LHFPL3: variants seen among roughly 807,000 people sequenced by gnomAD.
LHFPL3 encodes LHFPL tetraspan subfamily member 3, also known as LHFPL tetraspan subfamily member 3 protein.
In LHFPL3, 5 loss-of-function variants were observed where a neutral mutation model predicts 19.3. The ratio of observed to expected loss-of-function variants is 0.26; its 90% confidence interval spans 0.14 to 0.54. The LOEUF is 0.54. LHFPL3 is among the 20% of genes least tolerant of loss of function. The pLI is 0.94. For synonymous variants in LHFPL3, 133 were observed against 126.2 expected (o/e 1.05, Z -0.36); for missense variants, 249 against 307.4 (o/e 0.81, Z 1.42).
intron 1 of LHFPL3, among the ~76,000 whole-genome samples, chr7:104,707,812 C>T (rs1293701139): frequency 6.6e-6 from 1 of 152,100 alleles, no homozygotes; most frequent in Non-Finnish European, 1.5e-5. Flanking sequence ...AAGGAGGATG[C>T]ATTAGAGGAG....
At chr7:104,589,472 G>A (rs550960021) in intron 1 of LHFPL3, among the ~76,000 whole-genome samples, 9 of 152,238 alleles carry the variant, frequency 5.9e-5, no homozygotes, top group South Asian at 4.1e-4. Flanking sequence ...CAACTTGATC[G>A]TGGTGGATAA....
Position 104,505,385 on chromosome 7 carries a change from A to G in LHFPL3, c.445+176161A>G, listed in dbSNP as rs146610498. On this transcript the variant is annotated intron_variant, in intron 1 of 2. Transcript: ENST00000424859. ...ATGCTGAAGAGCAAATTAGAAGCAA[A>G]TGATAACTATAAAGTTCAACCTTGT... Among the ~76,000 whole-genome samples, 122 of 152,364 alleles carry G rather than the reference A, an allele frequency of 8.0e-4. 1 individual carries two copies. Among genetic ancestry groups the G allele is most frequent in the African/African-American group, 2.9e-3 (119 of 41,588 alleles).
At chr7:104,500,083 GGAC>G (rs1336995579) in intron 1 of LHFPL3, among the ~76,000 whole-genome samples, 2 of 152,140 alleles carry the variant, frequency 1.3e-5, no homozygotes. Context: ...TCTGTTTCCA[GGAC>G]TGATTCAGTC....
At chr7:104,835,957 C>T (rs1001471320) in intron 2 of LHFPL3, among the ~76,000 whole-genome samples, 4 of 151,760 alleles carry the variant, frequency 2.6e-5, no homozygotes, top group Non-Finnish European at 4.4e-5. Context: ...AATAAATAAA[C>T]GTAAAAGGCA....
intron 1 of LHFPL3, among the ~76,000 whole-genome samples, chr7:104,429,726 A>T (rs1791918986): frequency 1.3e-5 from 2 of 152,172 alleles, no homozygotes; most frequent in African/African-American, 2.4e-5. Context: ...TTCTTCATAA[A>T]GGTAGGATAA....
chr7:104,377,384 T>C (rs768028068), intron 1 of LHFPL3, among the ~76,000 whole-genome samples: 15 of 152,084 alleles, frequency 9.9e-5, no homozygotes, highest in Non-Finnish European at 2.2e-4. Flanking sequence ...AGCCCTATTC[T>C]TCACAGGAAA....
chr7:104,580,600 A>G (rs927733028), intron 1 of LHFPL3, among the ~76,000 whole-genome samples: 1 of 152,114 alleles, frequency 6.6e-6, no homozygotes, highest in East Asian at 1.9e-4. Flanking sequence ...TAGGCATATT[A>G]TTCAATGAAT....
chr7:104,625,028 T>C (rs745484786), intron 1 of LHFPL3, among the ~76,000 whole-genome samples: 1 of 152,220 alleles, frequency 6.6e-6, no homozygotes, highest in Non-Finnish European at 1.5e-5. Flanking sequence ...TTATACATCT[T>C]TGCACAATAG....
intron 1 of LHFPL3, among the ~76,000 whole-genome samples, chr7:104,529,286 C>T (rs1171923937): frequency 6.6e-6 from 1 of 152,124 alleles, no homozygotes; most frequent in African/African-American, 2.4e-5. Context: ...ACCTCAAACA[C>T]CAGATTTCTC....
At chr7:104,507,189 A>G (rs1033108736) in intron 1 of LHFPL3, among the ~76,000 whole-genome samples, 1 of 151,926 alleles carries the variant, frequency 6.6e-6, no homozygotes, top group Non-Finnish European at 1.5e-5. Flanking sequence ...GAGGCATCAC[A>G]CTACCTGACT....
At chr7:104,497,790 A>G (rs1378104644) in intron 1 of LHFPL3, among the ~76,000 whole-genome samples, 1 of 152,164 alleles carries the variant, frequency 6.6e-6, no homozygotes, top group East Asian at 1.9e-4. Flanking sequence ...TTCCAGTGCT[A>G]CTGTGGAAGG....
chr7:104,556,277 C>G (rs1352148347), intron 1 of LHFPL3, among the ~76,000 whole-genome samples: 1 of 152,244 alleles, frequency 6.6e-6, no homozygotes, highest in Non-Finnish European at 1.5e-5. Flanking sequence ...ACTGCCCTAG[C>G]AGAGGTTCTC....
At chr7:104,468,257 C>T (rs568152824) in intron 1 of LHFPL3, among the ~76,000 whole-genome samples, 10 of 152,166 alleles carry the variant, frequency 6.6e-5, no homozygotes, top group Non-Finnish European at 1.2e-4. Context: ...GTCATAACAA[C>T]TTATCTAGCC....
At chr7:104,430,419 C>CGT (rs1791959491) in intron 1 of LHFPL3, among the ~76,000 whole-genome samples, 6 of 14,662 alleles carry the variant, frequency 4.1e-4, no homozygotes, top group Non-Finnish European at 5.4e-4. Flanking sequence ...TATATATATA[C>CGT]ATATATATAT....
intron 2 of LHFPL3, among the ~76,000 whole-genome samples, chr7:104,854,491 G>T (rs944829974): frequency 2.0e-5 from 3 of 152,306 alleles, no homozygotes; most frequent in Admixed American, 2.0e-4. Context: ...CTGAAGAAAT[G>T]TATTTCAGGA....
At chr7:104,592,687 G>A (rs1790751004) in intron 1 of LHFPL3, among the ~76,000 whole-genome samples, 1 of 152,170 alleles carries the variant, frequency 6.6e-6, no homozygotes, top group Admixed American at 6.5e-5. Flanking sequence ...GTTCAGCTAT[G>A]CCCTGCCCCC....
intron 1 of LHFPL3, among the ~76,000 whole-genome samples, chr7:104,482,554 T>C (rs1335446484): frequency 6.6e-6 from 1 of 152,188 alleles, no homozygotes; most frequent in Non-Finnish European, 1.5e-5. Flanking sequence ...TTATACTGTC[T>C]GTGATTTGTC....
Position 104,340,253 on chromosome 7 carries a change from A to G in LHFPL3, c.445+11029A>G, listed in dbSNP as rs76137749. Among the ~76,000 whole-genome samples the G allele has an allele frequency of 1.2e-3, 190 of 152,250 alleles. 1 individual carries two copies. Among genetic ancestry groups the G allele is most frequent in the African/African-American group, 4.4e-3 (183 of 41,544 alleles). On this transcript the variant is annotated intron_variant, in intron 1 of 2. Coordinates refer to ENST00000424859, the MANE Select transcript of LHFPL3 (RefSeq NM_199000.3). ...TTAAAAAATAACATCTGCTAACCAA[A>G]TGTTGCTGTGTATTTACCAAGAAAG...
At chr7:104,710,434 A>G (rs1177256952) in intron 1 of LHFPL3, among the ~76,000 whole-genome samples, 1 of 152,194 alleles carries the variant, frequency 6.6e-6, no homozygotes, top group Non-Finnish European at 1.5e-5. Flanking sequence ...TATCAGTCTC[A>G]CCAATTCTTA....
Sources: gnomAD v4.1 joint callset for allele counts (sites outside exome capture counted in the v4.1 genomes callset) on GRCh38, gnomAD v4.1.1 for gene constraint, MANE v1.5 for transcripts, NCBI Gene and HGNC (gene_info 2026-07-23, HGNC 2026-07-21) for gene names.